C6orf89: variants seen among roughly 807,000 people sequenced by gnomAD.
C6orf89 encodes bombesin receptor-activated protein C6orf89.
Under a neutral mutation model 40.7 loss-of-function variants are expected in C6orf89, and 29 were observed. The ratio of observed to expected loss-of-function variants is 0.71; its 90% CI spans 0.53 to 0.97. The LOEUF (loss-of-function observed/expected upper bound fraction) is 0.97, where lower values mean the gene tolerates loss of function less well. Ranked by LOEUF, C6orf89 falls within the 50% of genes least tolerant of loss-of-function variation. The pLI, the probability that C6orf89 is intolerant of heterozygous loss-of-function variation, is 0.00. For missense variants in C6orf89, 392 were observed against 429.1 expected (o/e 0.91, Z 0.76); for synonymous variants, 165 against 152.2 (o/e 1.08, Z -0.62).
intron 4 of C6orf89, among the ~76,000 whole-genome samples, chr6:36,903,566 T>G (rs1761806995): frequency 6.6e-6 from 1 of 152,118 alleles, no homozygotes; most frequent in Non-Finnish European, 1.5e-5. Flanking sequence ...TTCACGCCAT[T>G]CTCCTGCCTC....
rs370224676 is a variant in C6orf89, at chr6:36,877,675, C to A, written c.-627-1333C>A. Reference sequence around the variant, plus strand: ...ATGCACCAGCAGCCTGTGAGAATTGCTGTTGCTCTGCTTCCAAGCCAACTC... The same window carrying A: ...ATGCACCAGCAGCCTGTGAGAATTGATGTTGCTCTGCTTCCAAGCCAACTC... On this transcript the variant is annotated intron_variant, in intron 1 of 9. Transcript: ENST00000359359. 2.6e-5 allele frequency among the ~76,000 whole-genome samples: 4 copies of A among 152,326 alleles called. No individual in the cohort carries two copies. In the East Asian group the frequency reaches 5.8e-4, roughly 22 times the overall value.
chr6:36,887,802 T>G (rs1048917518), intron 1 of C6orf89, among the ~76,000 whole-genome samples: 3 of 152,180 alleles, frequency 2.0e-5, no homozygotes, highest in Admixed American at 6.5e-5. Context: ...CACTGCAGCC[T>G]CGAACTCCTG....
At chr6:36,872,712 A>T (rs867004175) in intron 1 of C6orf89, among the ~76,000 whole-genome samples, 1 of 152,084 alleles carries the variant, frequency 6.6e-6, no homozygotes, top group African/African-American at 2.4e-5. Context: ...GGCTCAAGTG[A>T]TCCTCTCACC....
At chr6:36,881,374 T>TA (rs1389892947), upstream of C6orf89, among the ~76,000 whole-genome samples, 1 of 152,210 alleles carries the variant, frequency 6.6e-6, no homozygotes, top group Non-Finnish European at 1.5e-5. Flanking sequence ...GGAAGGTTTA[T>TA]AAAAATTAAT....
At chr6:36,897,377 T>A (rs1002483274) in intron 2 of C6orf89, among the ~76,000 whole-genome samples, 1 of 152,240 alleles carries the variant, frequency 6.6e-6, no homozygotes, top group Non-Finnish European at 1.5e-5. Flanking sequence ...TATATGTATA[T>A]GCAGTTTTTG....
At chr6:36,908,208 A>G (rs1761995011) in intron 4 of C6orf89, among the ~76,000 whole-genome samples, 1 of 152,202 alleles carries the variant, frequency 6.6e-6, no homozygotes, top group South Asian at 2.1e-4. Context: ...GGTGGATGGC[A>G]TAGGCTACCC....
intron 1 of C6orf89, chr6:36,874,590 G>C: frequency 3.1e-6 from 4 of 1,301,856 alleles, no homozygotes; most frequent in South Asian, 1.2e-5. Flanking sequence ...GGGCCGTCTC[G>C]GCCGCTGCTC....
At chr6:36,906,834 C>T (rs544757463) in intron 4 of C6orf89, among the ~76,000 whole-genome samples, 2 of 152,304 alleles carry the variant, frequency 1.3e-5, no homozygotes, top group Admixed American at 6.5e-5. Context: ...ATTGAGCACA[C>T]ACTAGTGAAA....
intron 4 of C6orf89, among the ~76,000 whole-genome samples, chr6:36,906,989 TAATTC>T (rs1208032644): frequency 6.6e-6 from 1 of 152,212 alleles, no homozygotes; most frequent in East Asian, 1.9e-4. Flanking sequence ...CCCATGGACT[TAATTC>T]TATTGTTAAA....
At position 36,874,314 on chromosome 6, in the gene C6orf89, T is replaced by C. The variant is rs991448701; in HGVS notation, c.-628+2347T>C. Among the ~76,000 whole-genome samples the C allele has an allele frequency of 3.9e-5, 6 of 152,262 alleles. No individual in the cohort carries two copies. The East Asian group carries it at 1.2e-3, about 29-fold the overall frequency. On this transcript the variant is annotated intron_variant, in intron 1 of 9. Coordinates refer to the C6orf89 transcript ENST00000359359. Reference sequence around the variant, plus strand: ...TTTGTTTCTACAACTGTATTACTTATCACGTAATGTTTACATGTCTGTCTC... The same window carrying C: ...TTTGTTTCTACAACTGTATTACTTACCACGTAATGTTTACATGTCTGTCTC...
intron 1 of C6orf89, among the ~76,000 whole-genome samples, chr6:36,893,680 C>G (rs1761310735): frequency 6.6e-6 from 1 of 151,874 alleles, no homozygotes; most frequent in African/African-American, 2.4e-5. Flanking sequence ...GCCTGTAATC[C>G]CAGCACTTGG....
intron 6 of C6orf89, among the ~76,000 whole-genome samples, chr6:36,915,152 A>C (rs1762270274): frequency 6.6e-6 from 1 of 152,336 alleles, no homozygotes; most frequent in East Asian, 1.9e-4. Flanking sequence ...GATGAGAGAT[A>C]AAAGGGATGG....
intron 2 of C6orf89, 40 bp downstream of exon 2, chr6:36,894,643 C>A: frequency 1.3e-6 from 1 of 786,166 alleles, no homozygotes; most frequent in Non-Finnish European, 1.5e-6. Flanking sequence ...AGTCAGGACA[C>A]TTGGGTTCAC....
At chr6:36,876,048 A>G (rs1774644057) in intron 1 of C6orf89, among the ~76,000 whole-genome samples, 1 of 152,246 alleles carries the variant, frequency 6.6e-6, no homozygotes, top group African/African-American at 2.4e-5. Context: ...GATAAATGCT[A>G]AAGTATAATT....
rs1007057507 is a variant in C6orf89, at chr6:36,924,571, A to G, written c.*1130A>G. 5 of 152,130 alleles carry G rather than the reference A, an allele frequency of 3.3e-5. No individual in the cohort carries two copies. Among genetic ancestry groups the G allele is most frequent in the African/African-American group, 1.2e-4 (5 of 41,422 alleles). 9.4% of individuals were successfully genotyped at this position (152,130 alleles called of 1,614,324 possible). On this transcript the variant is annotated 3_prime_UTR_variant, in exon 9 of 9. Coordinates refer to ENST00000480824, the MANE Select transcript of C6orf89 (RefSeq NM_001286635.2). The stretch of plus-strand genomic sequence containing the variant: ...TGTGTTTCTGATTGGATGATTCACT[A>G]TGTGCATTGTTTTCTCCTAAGTGCT...
At chr6:36,911,598 A>G (rs1762127074) in intron 4 of C6orf89, among the ~76,000 whole-genome samples, 1 of 152,168 alleles carries the variant, frequency 6.6e-6, no homozygotes, top group East Asian at 1.9e-4. Context: ...CTTTATACAA[A>G]TTCGAGGAAG....
At chr6:36,912,990 C>G (rs1246153386) in intron 4 of C6orf89, among the ~76,000 whole-genome samples, 14 of 152,344 alleles carry the variant, frequency 9.2e-5, no homozygotes, top group East Asian at 5.8e-4. Flanking sequence ...CGTAGGCTCT[C>G]TCCTGATTTG....
rs376454541 is a variant in C6orf89 at position 36,902,207 on chromosome 6, A to G, written c.190-14A>G. On this transcript the variant is annotated splice_polypyrimidine_tract_variant and intron_variant, in intron 3 of 8. Coordinates refer to ENST00000480824, the MANE Select transcript of C6orf89 (RefSeq NM_001286635.2). ...GTTTGCTGGGATTAATGCCTTTTCT[A>G]TCTTTCCTTGTAGGTTCTCGCAACC... is the stretch of plus-strand genomic sequence containing the variant. The G allele has an allele frequency of 3.0e-5, 48 of 1,611,776 alleles. No homozygotes were observed. The highest frequency in any genetic ancestry group is 5.5e-5 in the South Asian group (5 of 91,048).
At chr6:36,872,642 C>G (rs1561849936) in intron 1 of C6orf89, among the ~76,000 whole-genome samples, 1 of 151,650 alleles carries the variant, frequency 6.6e-6, no homozygotes, top group Non-Finnish European at 1.5e-5. Flanking sequence ...AGGGTCTCCT[C>G]TGTCACCCAG....
Sources: allele counts gnomAD v4.1 joint callset (sites outside exome capture counted in the v4.1 genomes callset), GRCh38; gene constraint gnomAD v4.1.1; transcripts MANE v1.5; gene names NCBI Gene and HGNC (gene_info 2026-07-23, HGNC 2026-07-21).